The following PRR14L variants were observed in gnomAD, a reference collection of about 807,000 sequenced individuals.
The protein encoded by PRR14L is protein PRR14L.
A neutral mutation model predicts 155.0 loss-of-function variants in PRR14L; 80 were observed. The ratio of observed to expected loss-of-function variants is 0.52; its 90% CI spans 0.43 to 0.62. The LOEUF is 0.62. Ranked by LOEUF, PRR14L falls within the 20% of genes least tolerant of loss-of-function variation. PRR14L has a pLI of 0.00. For synonymous variants in PRR14L, 883 were observed against 916.0 expected (o/e 0.96, Z 0.65); for missense variants, 2,469 against 2,548.0 (o/e 0.97, Z 0.67).
intron 3 of PRR14L, among the ~76,000 whole-genome samples, chr22:31,718,498 C>T (rs1167915975): frequency 2.0e-5 from 3 of 151,348 alleles, no homozygotes; most frequent in African/African-American, 7.3e-5. Context: ...TCATGATCCG[C>T]CCACCTTGGC....
Position 31,685,264 on chromosome 22 carries a change from G to T in PRR14L, c.*263C>A. On this transcript the variant is annotated 3_prime_UTR_variant, in exon 9 of 9. Transcript: ENST00000327423. ...GAGACTGAGGAGGTGGCTGGATGTC[G>T]TTCAGGTCCATTTCCAGGAGAAAGG... is the stretch of plus-strand genomic sequence containing the variant. 1 of 374,904 alleles carries T rather than the reference G, an allele frequency of 2.7e-6. No homozygotes were observed. Among genetic ancestry groups the T allele is most frequent in the East Asian group, 4.5e-5 (1 of 22,044 alleles). 23.2% of individuals were successfully genotyped at this position (374,904 alleles called of 1,614,324 possible).
At chr22:31,749,475 T>G (rs571149284) in intron 1 of PRR14L, among the ~76,000 whole-genome samples, 4 of 152,330 alleles carry the variant, frequency 2.6e-5, no homozygotes, top group East Asian at 3.9e-4. Flanking sequence ...TCTTTCTTAC[T>G]GGGAAGAAAG....
chr22:31,687,561 T>C (rs1377358275), intron 8 of PRR14L, among the ~76,000 whole-genome samples: 1 of 148,130 alleles, frequency 6.8e-6, no homozygotes, highest in Non-Finnish European at 1.5e-5. Flanking sequence ...ACCATGTTGG[T>C]CAGGCTGGTC....
chr22:31,704,160 C>T (rs1314534757), intron 5 of PRR14L, among the ~76,000 whole-genome samples: 1 of 152,162 alleles, frequency 6.6e-6, no homozygotes, highest in African/African-American at 2.4e-5. Context: ...TATATCCAGT[C>T]AACCTGCATT....
Position 31,685,082 on chromosome 22 carries a change from G to C in PRR14L, c.*445C>G, listed in dbSNP as rs1191426735. The stretch of plus-strand genomic sequence containing the variant: ...TGAGCCAGTGAGACCACACAGGACA[G>C]GACGCCAGGTCCCCCTCCCTAGGCC... On this transcript the variant is annotated 3_prime_UTR_variant, in exon 9 of 9. Coordinates refer to ENST00000327423, the MANE Select transcript of PRR14L (RefSeq NM_173566.3). 1 of 171,966 alleles carries C rather than the reference G, an allele frequency of 5.8e-6. No homozygotes were observed. Among genetic ancestry groups the C allele is most frequent in the Non-Finnish European group, 1.3e-5 (1 of 79,192 alleles). The allele number at this position is 171,966 out of a possible 1,614,324, so 10.7% of individuals were successfully genotyped here. A position where few individuals can be genotyped will look rare whatever the true frequency, so the allele number is the denominator to read the frequency against.
intron 7 of PRR14L, among the ~76,000 whole-genome samples, chr22:31,693,854 AT>A (rs2074522556): frequency 6.6e-6 from 1 of 152,108 alleles, no homozygotes; most frequent in Non-Finnish European, 1.5e-5. Context: ...TTAAAGTTTT[AT>A]TTTGATTATT....
chr22:31,703,608 A>T lies in PRR14L; in HGVS notation c.5942T>A (p.Leu1981Gln). Reference sequence around the variant, plus strand: ...GGGGCATGCTGCTTTCACACCATCCAGCTCATCCAATCCACGAACCTGGAA... The same window carrying T: ...GGGGCATGCTGCTTTCACACCATCCTGCTCATCCAATCCACGAACCTGGAA... ...SEFQVRGLDE[L>Q]DGVKAACPCP... Residue 1981 changes from leucine (L) to glutamine (Q), a missense_variant, in exon 6 of 9, where the codon CTG (leucine) becomes CAG (glutamine). This residue lies in a region of PRR14L where 2,363 missense variants were observed against 2,371.6 expected (regional missense o/e 1.00). Coordinates refer to ENST00000327423, the MANE Select transcript of PRR14L (RefSeq NM_173566.3). The T allele has an allele frequency of 6.2e-7, 1 of 1,614,002 alleles. No homozygotes were observed. The highest frequency in any genetic ancestry group is 8.5e-7 in the Non-Finnish European group (1 of 1,179,944).
chr22:31,718,857 C>T (rs131226), intron 3 of PRR14L, among the ~76,000 whole-genome samples: 20,077 of 151,382 alleles, frequency 0.13, 1,755 homozygotes, highest in African/African-American at 0.24. Flanking sequence ...ATGGATCACA[C>T]GAGGTCAGGA....
intron 7 of PRR14L, among the ~76,000 whole-genome samples, chr22:31,690,118 C>A (rs2074503886): frequency 6.6e-6 from 1 of 152,120 alleles, no homozygotes; most frequent in African/African-American, 2.4e-5. Context: ...GGTATCACCA[C>A]ATTGGCCAGA....
intron 4 of PRR14L, among the ~76,000 whole-genome samples, chr22:31,711,341 C>T (rs1476573628): frequency 6.6e-6 from 1 of 151,912 alleles, no homozygotes; most frequent in Non-Finnish European, 1.5e-5. Context: ...CATGGTGACA[C>T]GTGCCTGTAA....
At chr22:31,691,554 A>G (rs985345412) in intron 7 of PRR14L, among the ~76,000 whole-genome samples, 1 of 152,116 alleles carries the variant, frequency 6.6e-6, no homozygotes, top group Non-Finnish European at 1.5e-5. Flanking sequence ...ACAGAAACCT[A>G]CTTTTAGCAG....
chr22:31,738,255 A>G, intron 2 of PRR14L, 132 bp downstream of exon 2: 1 of 771,328 alleles, frequency 1.3e-6, no homozygotes, highest in Non-Finnish European at 2.1e-6. Flanking sequence ...ATCAAAACAA[A>G]GTTAACTTCA....
chr22:31,747,528 T>C (rs1020388263), intron 1 of PRR14L, among the ~76,000 whole-genome samples: 3 of 149,988 alleles, frequency 2.0e-5, no homozygotes, highest in Non-Finnish European at 4.4e-5. Context: ...AAGTGAACTT[T>C]CCCGGGCTTG....
intron 2 of PRR14L, among the ~76,000 whole-genome samples, chr22:31,726,488 A>C (rs1167423663): frequency 6.6e-6 from 1 of 152,034 alleles, no homozygotes; most frequent in Non-Finnish European, 1.5e-5. Context: ...GCTAGTCTCA[A>C]ACTCCTGACC....
chr22:31,749,958 GC>G (rs2074864340), intron 1 of PRR14L, 34 bp downstream of exon 1: 1 of 152,722 alleles, frequency 6.5e-6, no homozygotes, highest in Non-Finnish European at 1.5e-5. Flanking sequence ...GGGCGGGGCG[GC>G]TACGCCCGAA....
Position 31,717,061 on chromosome 22 carries a change from G to A in PRR14L, c.778C>T (p.Pro260Ser), listed in dbSNP as rs1350658353. Residue 260 changes from proline (P) to serine (S), a missense_variant, in exon 4 of 9, where the codon CCT becomes TCT. Around this residue, in one of 2 missense-constraint regions of PRR14L, gnomAD observed 2,363 missense variants for 2,371.6 expected, o/e 1.00. Coordinates refer to ENST00000327423, the MANE Select transcript of PRR14L (RefSeq NM_173566.3). The part of the protein sequence containing the change: ...VTPEPLTFVD[P>S]VLTEATPKEK... ...TTAGGAGTTGCTTCTGTTAATACAGGGTCCACAAAGGTTAAAGGTTCTGGG... is the reference window on the plus strand; with the variant it reads ...TTAGGAGTTGCTTCTGTTAATACAGAGTCCACAAAGGTTAAAGGTTCTGGG... 5 of 1,551,584 alleles carry A rather than the reference G, an allele frequency of 3.2e-6. No individual in the cohort carries two copies. The highest frequency in any genetic ancestry group is 2.7e-5 in the African/African-American group (2 of 72,966).
intron 2 of PRR14L, among the ~76,000 whole-genome samples, chr22:31,727,009 G>C (rs1165230000): frequency 1.3e-5 from 2 of 152,172 alleles, no homozygotes; most frequent in Non-Finnish European, 2.9e-5. Flanking sequence ...CCTCTGTAAA[G>C]TGACAGCACA....
intron 1 of PRR14L, among the ~76,000 whole-genome samples, chr22:31,743,297 T>C (rs2074822169): frequency 6.6e-6 from 1 of 151,432 alleles, no homozygotes; most frequent in African/African-American, 2.4e-5. Context: ...ACCGAAAGTC[T>C]GTCCAAAAAA....
At chr22:31,740,549 C>A (rs2074807321) in intron 1 of PRR14L, among the ~76,000 whole-genome samples, 4 of 151,532 alleles carry the variant, frequency 2.6e-5, no homozygotes, top group Non-Finnish European at 5.9e-5. Context: ...TTGGTGGAGA[C>A]AAAGTTTTGA....
Sources: allele counts gnomAD v4.1 joint callset (sites outside exome capture counted in the v4.1 genomes callset), GRCh38; gene constraint gnomAD v4.1.1; regional missense constraint gnomAD v4.1.1; transcripts MANE v1.5; gene names NCBI Gene and HGNC (gene_info 2026-07-23, HGNC 2026-07-21).